The following ANAPC1 variants were observed in gnomAD, a reference collection of about 807,000 sequenced individuals.
ANAPC1 encodes the protein anaphase-promoting complex subunit 1.
ANAPC1 carries 36 observed loss-of-function variants against 208.0 expected under a neutral mutation model. The ratio of observed to expected loss-of-function variants is 0.17; its 90% CI spans 0.13 to 0.23. The LOEUF (loss-of-function observed/expected upper bound fraction) is 0.23, where lower values mean the gene tolerates loss of function less well. Among genes scored for constraint, ANAPC1 ranks in the 10% least tolerant of loss-of-function variants. The pLI is 1.00. For missense variants in ANAPC1, 942 were observed against 2,011.6 expected (o/e 0.47, Z 10.17); for synonymous variants, 378 against 695.2 (o/e 0.54, Z 7.18).
chr2:111,828,820 C>A (rs1221504402), intron 21 of ANAPC1, among the ~76,000 whole-genome samples: 1 of 152,176 alleles, frequency 6.6e-6, no homozygotes, highest in Non-Finnish European at 1.5e-5. Flanking sequence ...CTAATAGGTA[C>A]AGAGTTTATG....
At chr2:111,852,123 G>A (rs1681435714) in intron 13 of ANAPC1, among the ~76,000 whole-genome samples, 2 of 148,192 alleles carry the variant, frequency 1.3e-5, no homozygotes, top group East Asian at 2.0e-4. Context: ...ACGAAAAGAT[G>A]GAATAAGCAC....
rs767767639 is a variant in ANAPC1, at chr2:111,769,679, C to CTTTTTTTTTTTTT, written c.5720-286_5720-274dup. On this transcript the variant is annotated intron_variant, in intron 47 of 47. Transcript: ENST00000341068. ...TATCTGCATTACACCTACTGGCTTT[C>CTTTTTTTTTTTTT]TTTTTTTTTTTTTTTTTTTGGAGAC... is the stretch of plus-strand genomic sequence containing the variant. 2.4e-5 allele frequency among the ~76,000 whole-genome samples: 2 copies of CTTTTTTTTTTTTT among 83,260 alleles called. 1 individual carries two copies. The highest frequency in any genetic ancestry group is 9.3e-5 in the African/African-American group (2 of 21,486). 54.6% of individuals were successfully genotyped at this position (83,260 alleles called of 152,430 possible). A position where few individuals can be genotyped will look rare whatever the true frequency, so the allele number is the denominator to read the frequency against.
chr2:111,836,475 G>C (rs1169084550), intron 18 of ANAPC1, among the ~76,000 whole-genome samples: 2 of 150,578 alleles, frequency 1.3e-5, no homozygotes, highest in South Asian at 4.2e-4. Flanking sequence ...GTAACACCTT[G>C]TCTCTACCAA....
chr2:111,810,329 G>C (rs930646020), intron 28 of ANAPC1, among the ~76,000 whole-genome samples: 1 of 151,820 alleles, frequency 6.6e-6, no homozygotes, highest in African/African-American at 2.4e-5. Context: ...GAGGAATGGG[G>C]AGTCACCACT....
intron 46 of ANAPC1, among the ~76,000 whole-genome samples, chr2:111,775,737 T>C (rs1573297863): frequency 2.0e-5 from 3 of 152,172 alleles, no homozygotes; most frequent in Admixed American, 2.0e-4. Context: ...CTGCAAAGAT[T>C]TAAGGAAGTA....
intron 3 of ANAPC1, among the ~76,000 whole-genome samples, chr2:111,878,493 G>C (rs1683130407): frequency 6.6e-6 from 1 of 152,096 alleles, no homozygotes; most frequent in Non-Finnish European, 1.5e-5. Flanking sequence ...TAGTAATCAT[G>C]TGTTAAAATA....
At chr2:111,770,528 T>C (rs1341505156) in intron 47 of ANAPC1, among the ~76,000 whole-genome samples, 5 of 149,820 alleles carry the variant, frequency 3.3e-5, no homozygotes, top group Non-Finnish European at 7.4e-5. Context: ...AACTCATTTT[T>C]TCTCTCCTCT....
chr2:111,806,861 C>A (rs1283575626), intron 29 of ANAPC1, among the ~76,000 whole-genome samples: 3 of 148,400 alleles, frequency 2.0e-5, no homozygotes, highest in African/African-American at 7.5e-5. Flanking sequence ...TGTTCACATT[C>A]CTGAAATTTT....
At chr2:111,836,108 C>G (rs991769427) in intron 18 of ANAPC1, among the ~76,000 whole-genome samples, 9 of 151,652 alleles carry the variant, frequency 5.9e-5, no homozygotes, top group Non-Finnish European at 1.0e-4. Context: ...CAACCTCAGC[C>G]TCCAAGTAGC....
At chr2:111,828,776 G>A (rs770324269) in intron 21 of ANAPC1, among the ~76,000 whole-genome samples, 29 of 152,206 alleles carry the variant, frequency 1.9e-4, no homozygotes, top group Non-Finnish European at 3.5e-4. Flanking sequence ...GGAATTACCA[G>A]GGCCTGGGAG....
intron 17 of ANAPC1, among the ~76,000 whole-genome samples, chr2:111,839,287 TTG>T (rs1680634889): frequency 6.6e-6 from 1 of 152,252 alleles, no homozygotes; most frequent in East Asian, 1.9e-4. Context: ...GACATTTTTA[TTG>T]TGTTTGAGCC....
chr2:111,776,847 T>C lies in ANAPC1; in HGVS notation c.5584+12A>G. The C allele has an allele frequency of 2.5e-6, 1 of 392,202 alleles. No individual in the cohort carries two copies. The highest frequency in any genetic ancestry group is 4.4e-6 in the Non-Finnish European group (1 of 229,424). The allele number at this position is 392,202 out of a possible 1,614,324, so 24.3% of individuals were successfully genotyped here. On this transcript the variant is annotated intron_variant, in intron 46 of 47. Coordinates refer to ENST00000341068, the MANE Select transcript of ANAPC1 (RefSeq NM_022662.4). ...AAAGCACAAGAGCGCTATGCTACAA[T>C]GCTACTATTACCTTGTAGCCACTGG...
At chr2:111,781,467 TATAAA>T in intron 43 of ANAPC1, among the ~76,000 whole-genome samples, 1 of 152,230 alleles carries the variant, frequency 6.6e-6, no homozygotes, top group African/African-American at 2.4e-5. Flanking sequence ...TGGGAACCAT[TATAAA>T]GGCTTGGTCA....
intron 11 of ANAPC1, among the ~76,000 whole-genome samples, 154 bp downstream of exon 11, chr2:111,858,152 T>C (rs1681837734): frequency 6.6e-6 from 1 of 151,650 alleles, no homozygotes; most frequent in Non-Finnish European, 1.5e-5. Flanking sequence ...TTACTAAAAA[T>C]CATTTAATTA....
intron 10 of ANAPC1, among the ~76,000 whole-genome samples, 181 bp downstream of exon 10, chr2:111,862,208 A>G (rs1489055281): frequency 6.6e-6 from 1 of 152,168 alleles, no homozygotes; most frequent in African/African-American, 2.4e-5. Flanking sequence ...CCAGCCTATG[A>G]TCACTTTAAT....
intron 17 of ANAPC1, among the ~76,000 whole-genome samples, chr2:111,840,806 G>A (rs1216558660): frequency 6.6e-6 from 1 of 152,206 alleles, no homozygotes; most frequent in Non-Finnish European, 1.5e-5. Flanking sequence ...ACTTTGGGAG[G>A]CCAAGGTGGG....
At chr2:111,832,949 A>AAAAAAAAAAAAAAAAAAAAAC (rs1680235759) in intron 20 of ANAPC1, among the ~76,000 whole-genome samples, 1 of 149,864 alleles carries the variant, frequency 6.7e-6, no homozygotes. Context: ...AAAAAAAAAA[A>AAAAAAAAAAAAAAAAAAAAAC]AAAAAAAGCA....
intron 21 of ANAPC1, among the ~76,000 whole-genome samples, chr2:111,829,829 G>A (rs1680037451): frequency 6.6e-6 from 1 of 152,104 alleles, no homozygotes. Context: ...CAGCACTTTG[G>A]GAGGCTGAGC....
intron 26 of ANAPC1, among the ~76,000 whole-genome samples, chr2:111,820,914 T>C (rs1209262713): frequency 1.9e-5 from 2 of 104,660 alleles, no homozygotes; most frequent in African/African-American, 5.5e-5. Context: ...GTGTTTTCTT[T>C]GTTTGTAAAT....
Sources: gnomAD v4.1 joint callset for allele counts (sites outside exome capture counted in the v4.1 genomes callset) on GRCh38, gnomAD v4.1.1 for gene constraint, MANE v1.5 for transcripts, NCBI Gene and HGNC (gene_info 2026-07-23, HGNC 2026-07-21) for gene names.